Variants in UBE2E2 observed in about 807,000 individuals in gnomAD.
UBE2E2 encodes the protein ubiquitin-conjugating enzyme E2 E2.
UBE2E2 carries 6 observed loss-of-function variants against 24.7 expected under a neutral mutation model. The observed-to-expected ratio is 0.24, with a 90% confidence interval of 0.13 to 0.48. The LOEUF (loss-of-function observed/expected upper bound fraction) is 0.48. Ranked by LOEUF, UBE2E2 falls within the 20% of genes least tolerant of loss-of-function variation. The pLI is 0.99. For synonymous variants in UBE2E2, 104 were observed against 83.6 expected, an observed-to-expected ratio of 1.24 and a Z score of -1.33; for missense variants, 169 against 245.0, an observed-to-expected ratio of 0.69 and a Z score of 2.07.
chr3:23,328,126 C>A (rs1694953995), intron 3 of UBE2E2, among the ~76,000 whole-genome samples: 1 of 151,788 alleles, frequency 6.6e-6, no homozygotes, highest in Non-Finnish European at 1.5e-5. Flanking sequence ...AAAATCAATG[C>A]AACATTTCTG....
chr3:23,227,316 T>C (rs1696853670), intron 3 of UBE2E2, among the ~76,000 whole-genome samples: 1 of 152,194 alleles, frequency 6.6e-6, no homozygotes. Flanking sequence ...TTTATATCCA[T>C]ATCTTCATTT....
intron 3 of UBE2E2, among the ~76,000 whole-genome samples, chr3:23,448,044 T>C (rs1444492519): frequency 6.6e-6 from 1 of 152,180 alleles, no homozygotes; most frequent in Non-Finnish European, 1.5e-5. Flanking sequence ...TAAGTTTCTG[T>C]TTTTAAAAAT....
intron 3 of UBE2E2, among the ~76,000 whole-genome samples, chr3:23,382,799 C>CT (rs1696709105): frequency 6.6e-6 from 1 of 152,080 alleles, no homozygotes; most frequent in Admixed American, 6.5e-5. Context: ...AAGATTGTGT[C>CT]TTTTTCTGTA....
intron 3 of UBE2E2, among the ~76,000 whole-genome samples, chr3:23,375,536 A>T (rs6795968): frequency 6.6e-6 from 1 of 151,890 alleles, no homozygotes; most frequent in Non-Finnish European, 1.5e-5. Context: ...ACAATAAATG[A>T]GTGAGTGATA....
At chr3:23,383,981 CAA>C (rs775124921) in intron 3 of UBE2E2, among the ~76,000 whole-genome samples, 1 of 151,032 alleles carries the variant, frequency 6.6e-6, no homozygotes, top group Non-Finnish European at 1.5e-5. Flanking sequence ...TTAACGTGCT[CAA>C]AGTGATGGTT....
chr3:23,240,419 A>G (rs1470416274), intron 3 of UBE2E2, among the ~76,000 whole-genome samples: 1 of 152,202 alleles, frequency 6.6e-6, no homozygotes, highest in Non-Finnish European at 1.5e-5. Context: ...CTTTATGACA[A>G]TGTGTAGCTG....
chr3:23,433,993 AC>A (rs1331078129), intron 3 of UBE2E2, among the ~76,000 whole-genome samples: 4 of 152,074 alleles, frequency 2.6e-5, no homozygotes, highest in African/African-American at 7.2e-5. Context: ...ATATAGTGAA[AC>A]CCATTTTATT....
At chr3:23,413,382 C>G (rs1697542380) in intron 3 of UBE2E2, among the ~76,000 whole-genome samples, 1 of 151,986 alleles carries the variant, frequency 6.6e-6, no homozygotes, top group African/African-American at 2.4e-5. Flanking sequence ...CTTTATAAGT[C>G]TTCAGGGGAG....
intron 4 of UBE2E2, among the ~76,000 whole-genome samples, chr3:23,525,300 G>C (rs540334456): frequency 6.6e-6 from 1 of 152,136 alleles, no homozygotes; most frequent in Admixed American, 6.5e-5. Context: ...CCAGGAATTA[G>C]GATGTGGACA....
Position 23,590,887 on chromosome 3 carries a change from A to C in UBE2E2, c.*1056A>C, listed in dbSNP as rs1376809150. The C allele has an allele frequency of 6.6e-6, 1 of 152,234 alleles. No homozygotes were observed. The highest frequency in any genetic ancestry group is 1.5e-5 in the Non-Finnish European group (1 of 68,040). The allele number at this position is 152,234 out of a possible 1,614,324, so 9.4% of individuals were successfully genotyped here. A position where few individuals can be genotyped will look rare whatever the true frequency, so the allele number is the denominator to read the frequency against. On this transcript the variant is annotated 3_prime_UTR_variant, in exon 6 of 6. Coordinates refer to ENST00000396703, the MANE Select transcript of UBE2E2 (RefSeq NM_152653.4). ...AGCCTTCTTGTGAAAGTGAAGTCTGAGCTAATCATTGTGTTCAGCCACTTT... is the reference window on the plus strand; with the variant it reads ...AGCCTTCTTGTGAAAGTGAAGTCTGCGCTAATCATTGTGTTCAGCCACTTT...
chr3:23,247,984 T>G (rs1004715947), intron 3 of UBE2E2, among the ~76,000 whole-genome samples: 2 of 152,260 alleles, frequency 1.3e-5, no homozygotes, highest in African/African-American at 4.8e-5. Context: ...AAAATTCTGA[T>G]TAGCATAAAG....
chr3:23,504,955 C>G (rs1185000026), intron 4 of UBE2E2, among the ~76,000 whole-genome samples: 3 of 131,088 alleles, frequency 2.3e-5, no homozygotes, highest in African/African-American at 9.1e-5. Context: ...GGGGCCCAGG[C>G]TGGAGTGCAG....
intron 3 of UBE2E2, among the ~76,000 whole-genome samples, chr3:23,386,676 A>T (rs990861507): frequency 1.3e-5 from 2 of 152,362 alleles, no homozygotes; most frequent in East Asian, 3.9e-4. Flanking sequence ...ACATATTAAG[A>T]GCCATCGTCA....
intron 5 of UBE2E2, among the ~76,000 whole-genome samples, chr3:23,556,006 G>A (rs531132891): frequency 6.6e-6 from 1 of 152,128 alleles, no homozygotes; most frequent in South Asian, 2.1e-4. Context: ...GATTATAGCT[G>A]TCTTGCCATG....
chr3:23,232,494 G>A (rs1344739172), intron 3 of UBE2E2, among the ~76,000 whole-genome samples: 1 of 107,720 alleles, frequency 9.3e-6, no homozygotes, highest in African/African-American at 3.0e-5. Context: ...TTATCAAACT[G>A]TGTAACAAAC....
intron 5 of UBE2E2, among the ~76,000 whole-genome samples, chr3:23,555,382 G>A (rs1695752956): frequency 6.6e-6 from 1 of 152,144 alleles, no homozygotes. Flanking sequence ...GTTAAGTGTT[G>A]GCAAAGGTGT....
intron 3 of UBE2E2, among the ~76,000 whole-genome samples, chr3:23,456,674 A>G (rs1269143968): frequency 6.6e-6 from 1 of 152,240 alleles, no homozygotes; most frequent in Non-Finnish European, 1.5e-5. Flanking sequence ...AAAAATATTC[A>G]GTAAACTGTG....
intron 3 of UBE2E2, chr3:23,323,537 A>G (rs113883759): frequency 2.9e-5 from 13 of 452,346 alleles, no homozygotes; most frequent in Admixed American, 4.8e-5. Context: ...ACTGAAAGGA[A>G]ATGCTCATTC....
intron 3 of UBE2E2, among the ~76,000 whole-genome samples, chr3:23,312,135 C>T (rs752250749): frequency 5.3e-5 from 8 of 152,192 alleles, no homozygotes; most frequent in Non-Finnish European, 1.0e-4. Context: ...CCTGCTCGCC[C>T]TTTGCCTTCT....
Sources: gnomAD v4.1 joint callset for allele counts (sites outside exome capture counted in the v4.1 genomes callset) on GRCh38, gnomAD v4.1.1 for gene constraint, MANE v1.5 for transcripts, NCBI Gene and HGNC (gene_info 2026-07-23, HGNC 2026-07-21) for gene names.